Variants in ADARB2 observed in about 807,000 individuals in gnomAD.
ADARB2 encodes the protein adenosine deaminase RNA specific B2 (inactive), also known as inactive double-stranded RNA-specific editase B2.
Under a neutral mutation model 62.2 loss-of-function variants are expected in ADARB2, and 25 were observed. That is an observed-to-expected ratio of 0.40 (90% CI 0.29 to 0.56). The LOEUF (loss-of-function observed/expected upper bound fraction) is 0.56, where lower values mean the gene tolerates loss of function less well. Among genes scored for constraint, ADARB2 ranks in the 20% least tolerant of loss-of-function variants. The pLI is 0.43. For synonymous variants in ADARB2, 572 were observed against 500.8 expected (o/e 1.14, Z -1.90); for missense variants, 1,071 against 1,077.4 (o/e 0.99, Z 0.08).
intron 1 of ADARB2, among the ~76,000 whole-genome samples, chr10:1,662,269 A>C (rs917313122): frequency 2.0e-5 from 3 of 152,108 alleles, no homozygotes; most frequent in Non-Finnish European, 4.4e-5. Flanking sequence ...TTTGAGGAGG[A>C]ATTCATCCAG....
chr10:1,443,963 A>G (rs1292740452), intron 1 of ADARB2, among the ~76,000 whole-genome samples: 1 of 152,116 alleles, frequency 6.6e-6, no homozygotes, highest in African/African-American at 2.4e-5. Flanking sequence ...CTGTCTGTCC[A>G]TCTATCCATC....
At chr10:1,732,423 C>A (rs1191414539) in intron 1 of ADARB2, among the ~76,000 whole-genome samples, 2 of 151,970 alleles carry the variant, frequency 1.3e-5, no homozygotes, top group Non-Finnish European at 2.9e-5. Flanking sequence ...ATACACGAAT[C>A]CCATATTTTT....
chr10:1,249,751 G>A (rs150043676), intron 4 of ADARB2, among the ~76,000 whole-genome samples: 8 of 152,152 alleles, frequency 5.3e-5, no homozygotes, highest in Non-Finnish European at 1.0e-4. Flanking sequence ...AATTAGCTCT[G>A]TAGTAATTGG....
At chr10:1,552,119 CA>C (rs1216180396) in intron 1 of ADARB2, among the ~76,000 whole-genome samples, 1 of 152,344 alleles carries the variant, frequency 6.6e-6, no homozygotes, top group African/African-American at 2.4e-5. Flanking sequence ...CATTATCAAT[CA>C]GGGGTTAAAG....
intron 5 of ADARB2, among the ~76,000 whole-genome samples, chr10:1,241,672 C>G (rs971706122): frequency 9.9e-5 from 15 of 152,264 alleles, no homozygotes; most frequent in African/African-American, 3.6e-4. Flanking sequence ...AATCCCAATA[C>G]TGGGGCACAG....
chr10:1,662,437 C>T (rs993402531), intron 1 of ADARB2, among the ~76,000 whole-genome samples: 1 of 152,180 alleles, frequency 6.6e-6, no homozygotes, highest in East Asian at 1.9e-4. Flanking sequence ...CCACCCAGAG[C>T]CTGACCTGCC....
chr10:1,396,249 C>G (rs1832612177), intron 1 of ADARB2, among the ~76,000 whole-genome samples: 1 of 152,134 alleles, frequency 6.6e-6, no homozygotes. Flanking sequence ...TCGTGCGACT[C>G]TCTCCAGCCT....
chr10:1,276,143 T>C (rs903232962), intron 3 of ADARB2, among the ~76,000 whole-genome samples: 1 of 152,158 alleles, frequency 6.6e-6, no homozygotes, highest in African/African-American at 2.4e-5. Context: ...AGTGTTCCTA[T>C]TTCTCCACAT....
intron 1 of ADARB2, among the ~76,000 whole-genome samples, chr10:1,524,275 G>C (rs898991290): frequency 6.6e-6 from 1 of 152,192 alleles, no homozygotes; most frequent in Admixed American, 6.5e-5. Context: ...AGCCTCACAG[G>C]TGTTTTGATG....
At chr10:1,347,071 T>C (rs1315207948) in intron 3 of ADARB2, among the ~76,000 whole-genome samples, 1 of 152,228 alleles carries the variant, frequency 6.6e-6, no homozygotes, top group Non-Finnish European at 1.5e-5. Flanking sequence ...CACAGATCCT[T>C]ATTTTCAAGA....
At chr10:1,268,722 AC>A (rs1265662247) in intron 4 of ADARB2, among the ~76,000 whole-genome samples, 1 of 152,232 alleles carries the variant, frequency 6.6e-6, no homozygotes. Context: ...TTGTCTCTTT[AC>A]AATAGGAAAG....
intron 6 of ADARB2, among the ~76,000 whole-genome samples, chr10:1,231,547 G>A (rs1035212995): frequency 3.3e-5 from 5 of 152,128 alleles, no homozygotes; most frequent in Non-Finnish European, 7.3e-5. Context: ...TCCCTCTGGG[G>A]AGGGCTGTGT....
chr10:1,442,842 C>T (rs942945127), intron 1 of ADARB2, among the ~76,000 whole-genome samples: 1 of 151,854 alleles, frequency 6.6e-6, no homozygotes, highest in African/African-American at 2.4e-5. Context: ...AAGAGATGCT[C>T]GAGGGGTATG....
At chr10:1,360,252 C>A (rs1004076435) in intron 3 of ADARB2, among the ~76,000 whole-genome samples, 1 of 152,256 alleles carries the variant, frequency 6.6e-6, no homozygotes, top group Non-Finnish European at 1.5e-5. Flanking sequence ...CCTTTCCCCC[C>A]AGCCCCAGAG....
chr10:1,566,692 C>A (rs11818970), intron 1 of ADARB2, among the ~76,000 whole-genome samples: 1 of 152,194 alleles, frequency 6.6e-6, no homozygotes, highest in Admixed American at 6.5e-5. Context: ...TGATTGCATT[C>A]TAAACTGGAG....
chr10:1,472,309 C>T (rs1300099917), intron 1 of ADARB2, among the ~76,000 whole-genome samples: 1 of 152,246 alleles, frequency 6.6e-6, no homozygotes, highest in African/African-American at 2.4e-5. Flanking sequence ...ACTGCCCAAG[C>T]AGAGACCAAG....
intron 1 of ADARB2, among the ~76,000 whole-genome samples, chr10:1,478,623 A>G (rs982448573): frequency 2.6e-5 from 4 of 151,618 alleles, no homozygotes; most frequent in African/African-American, 9.7e-5. Flanking sequence ...GGAGTGCGCC[A>G]AAACAAGGAC....
intron 3 of ADARB2, among the ~76,000 whole-genome samples, chr10:1,306,017 C>G (rs1416567725): frequency 6.6e-6 from 1 of 152,196 alleles, no homozygotes; most frequent in Non-Finnish European, 1.5e-5. Context: ...GATGCCCTAT[C>G]TCACCACTCC....
At chr10:1,322,745 CTATT>C (rs1358664136) in intron 3 of ADARB2, among the ~76,000 whole-genome samples, 1 of 152,178 alleles carries the variant, frequency 6.6e-6, no homozygotes, top group African/African-American at 2.4e-5. Flanking sequence ...TCGATACACT[CTATT>C]CAAGAAGAAA....
Sources: gnomAD v4.1 joint callset for allele counts (sites outside exome capture counted in the v4.1 genomes callset) on GRCh38, gnomAD v4.1.1 for gene constraint, MANE v1.5 for transcripts, NCBI Gene and HGNC (gene_info 2026-07-23, HGNC 2026-07-21) for gene names.